Variants in ERCC3 observed in about 807,000 individuals in gnomAD.
ERCC3 encodes the protein general transcription and DNA repair factor IIH helicase/translocase subunit XPB.
Under a neutral mutation model 94.2 loss-of-function variants are expected in ERCC3, and 66 were observed. The observed-to-expected ratio is 0.70, with a 90% CI of 0.57 to 0.86. ERCC3 has a LOEUF of 0.86. Among genes scored for constraint, ERCC3 ranks in the 40% least tolerant of loss-of-function variants. The pLI is 0.00. For synonymous variants in ERCC3, 349 were observed against 369.1 expected (o/e 0.95, Z 0.63); for missense variants, 829 against 987.1 (o/e 0.84, Z 2.15).
intron 2 of ERCC3, 90 bp downstream of exon 2, chr2:127,293,423 C>T (rs1685346108): frequency 4.1e-6 from 5 of 1,205,474 alleles, no homozygotes; most frequent in Non-Finnish European, 6.0e-6. Context: ...GGGCAGTATC[C>T]TGAATGTCAG....
Position 127,290,213 on chromosome 2 carries a change from G to C in ERCC3, c.521+11C>G. The C allele has an allele frequency of 5.0e-6, 8 of 1,612,020 alleles. No homozygotes were observed. The highest frequency in any genetic ancestry group is 5.9e-6 in the Non-Finnish European group (7 of 1,178,048). ...AGTGCCTTGGGACAGGCCTGTCATG[G>C]AATCTCTTACCTGTTGTGCTTCAAG... On this transcript the variant is annotated intron_variant, in intron 4 of 14. Transcript: ENST00000285398.
intron 10 of ERCC3, among the ~76,000 whole-genome samples, chr2:127,273,371 G>C (rs1684627334): frequency 6.6e-6 from 1 of 152,172 alleles, no homozygotes; most frequent in Non-Finnish European, 1.5e-5. Flanking sequence ...CATGCTCCAA[G>C]AGATGAGCAG....
Position 127,280,423 on chromosome 2 carries a change from C to A in ERCC3, c.1527+24G>T. On this transcript the variant is annotated intron_variant, in intron 9 of 14. Transcript: ENST00000285398. This position sits in a 1 kb window ranked among gnomAD's most constrained non-coding sequence, Gnocchi z 6.3. ...CCATAGGAGGAGGCCCTTTCCCAGA[C>A]GCCCCCAGCCCAGGCCCAGCTACCT... The A allele has an allele frequency of 6.3e-7, 1 of 1,599,772 alleles. No individual in the cohort carries two copies. Among genetic ancestry groups the A allele is most frequent in the Non-Finnish European group, 8.5e-7 (1 of 1,172,772 alleles).
intron 3 of ERCC3, chr2:127,292,362 G>A: frequency 3.4e-6 from 2 of 581,638 alleles, no homozygotes; most frequent in Non-Finnish European, 6.3e-6. Flanking sequence ...AGCGGCTCAT[G>A]AGAAGCGTGG....
chr2:127,284,765 C>T lies in ERCC3; in HGVS notation c.1342+1938G>A, dbSNP rs1573954897. The stretch of plus-strand genomic sequence containing the variant: ...GTTGCACAATCATGGTTCACTGCAG[C>T]CTCAACCTCCCAGGTTCAAGTGATC... On this transcript the variant is annotated intron_variant, in intron 8 of 14. Coordinates refer to ENST00000285398, the MANE Select transcript of ERCC3 (RefSeq NM_000122.2). The surrounding 1 kb of genome is among the most constrained non-coding windows in gnomAD (Gnocchi z 4.1). Among the ~76,000 whole-genome samples the T allele has an allele frequency of 6.6e-6, 1 of 152,044 alleles. No individual in the cohort carries two copies. The highest frequency in any genetic ancestry group is 2.1e-4 in the South Asian group (1 of 4,828).
chr2:127,276,925 A>G lies in ERCC3; in HGVS notation c.1730+2248T>C, dbSNP rs10209650. ...CCAAACTGCTGCACTGGAAGCTCCA[A>G]TGTTAGTTCTAGGACCTGGCCAAAC... is the stretch of plus-strand genomic sequence containing the variant. On this transcript the variant is annotated intron_variant, in intron 10 of 14. Transcript: ENST00000285398. Among the ~76,000 whole-genome samples, 865 of 152,328 alleles carry G rather than the reference A, an allele frequency of 5.7e-3. 11 individuals carry two copies. The highest frequency in any genetic ancestry group is 0.019 in the African/African-American group (807 of 41,574).
Position 127,286,799 on chromosome 2 carries a change from T to C in ERCC3, c.1246A>G (p.Thr416Ala), listed in dbSNP as rs757589281. 12 of 1,614,170 alleles carry C rather than the reference T, an allele frequency of 7.4e-6. No homozygotes were observed. The highest frequency in any genetic ancestry group is 4.4e-5 in the South Asian group (4 of 91,086). ...AISTYSMLGH[T>A]TKRSWEAERV... ...TCGGCCTCCCAGGACCTTTTGGTGG[T>C]GTGGCCCAGCATGGAGTAGGTGCTA... Residue 416 changes from threonine (T) to alanine (A), a missense_variant, in exon 8 of 15, where the codon ACC becomes GCC. Physicochemically the swap from Thr to Ala is moderately conservative, Grantham distance 58. Transcript: ENST00000285398.
rs768478601 is a variant in ERCC3 at position 127,286,811 on chromosome 2, T to C, written c.1234A>G (p.Met412Val). The C allele has an allele frequency of 1.2e-6, 2 of 1,614,164 alleles. No homozygotes were observed. The highest frequency in any genetic ancestry group is 1.7e-6 in the Non-Finnish European group (2 of 1,180,014). The part of the protein sequence containing the change: ...GCSVAISTYS[M>V]LGHTTKRSWE... ...GACCTTTTGGTGGTGTGGCCCAGCATGGAGTAGGTGCTAATGGCAACGGAG... is the reference window on the plus strand; with the variant it reads ...GACCTTTTGGTGGTGTGGCCCAGCACGGAGTAGGTGCTAATGGCAACGGAG... The change falls in exon 8 of 15, where the codon ATG (methionine) becomes GTG (valine). Residue 412 changes from methionine (M) to valine (V), a missense_variant. Physicochemically the swap from Met to Val is conservative, Grantham distance 21. Coordinates refer to ENST00000285398, the MANE Select transcript of ERCC3 (RefSeq NM_000122.2).
chr2:127,265,442 G>A (rs771642014), intron 12 of ERCC3, among the ~76,000 whole-genome samples: 32 of 151,456 alleles, frequency 2.1e-4, no homozygotes, highest in Non-Finnish European at 4.0e-4. Context: ...TTTTTGAGAC[G>A]GAGTCTCGCT....
At chr2:127,286,611 G>C (rs1279790903) in intron 8 of ERCC3, 92 bp downstream of exon 8, 17 of 1,204,086 alleles carry the variant, frequency 1.4e-5, no homozygotes, top group Admixed American at 3.4e-5. Flanking sequence ...TAGCCAGTTG[G>C]GTGGGCTACA....
Position 127,258,657 on chromosome 2 carries a change from C to T in ERCC3, c.2217+639G>A, listed in dbSNP as rs1459180932. ...GCTCTAATGGCAACTGAATTTCAAA[C>T]GCACCTGACTGAAGTGCACTTCTCC... On this transcript the variant is annotated intron_variant, in intron 14 of 14. Coordinates refer to ENST00000285398, the MANE Select transcript of ERCC3 (RefSeq NM_000122.2). This position sits in a 1 kb window ranked among gnomAD's most constrained non-coding sequence, Gnocchi z 4.1. 2.0e-5 allele frequency among the ~76,000 whole-genome samples: 3 copies of T among 152,174 alleles called. No individual in the cohort carries two copies. Among genetic ancestry groups the T allele is most frequent in the Non-Finnish European group, 2.9e-5 (2 of 68,026 alleles).
rs2104729189 is a variant in ERCC3, at chr2:127,259,463, C to T, written c.2065-15G>A. The T allele has an allele frequency of 6.2e-7, 1 of 1,614,060 alleles. No homozygotes were observed. The highest frequency in any genetic ancestry group is 8.5e-7 in the Non-Finnish European group (1 of 1,180,022). On this transcript the variant is annotated splice_polypyrimidine_tract_variant and intron_variant, in intron 13 of 14. Coordinates refer to ENST00000285398, the MANE Select transcript of ERCC3 (RefSeq NM_000122.2). This position sits in a 1 kb window ranked among gnomAD's most constrained non-coding sequence, Gnocchi z 4.9. ...TTCGTGATCACCTGCAAAGCCCAAG[C>T]CAGCAGACATGCCCCTTTCTGCTCT...
chr2:127,273,410 T>C (rs922086614), intron 10 of ERCC3, among the ~76,000 whole-genome samples: 7 of 152,178 alleles, frequency 4.6e-5, no homozygotes, highest in African/African-American at 1.4e-4. Flanking sequence ...TCAGCCATTA[T>C]TGTGCTGATT....
At chr2:127,278,412 TTAAA>T (rs1364408066) in intron 10 of ERCC3, among the ~76,000 whole-genome samples, 1 of 152,212 alleles carries the variant, frequency 6.6e-6, no homozygotes, top group Non-Finnish European at 1.5e-5. Context: ...TCTTTCTAAA[TTAAA>T]TAAAGGTATA....
chr2:127,279,031 A>C lies in ERCC3; in HGVS notation c.1730+142T>G. 1.5e-6 allele frequency: 1 copy of C among 688,526 alleles called. No homozygotes were observed. The highest frequency in any genetic ancestry group is 1.6e-5 in the South Asian group (1 of 62,200). The allele number at this position is 688,526 out of a possible 1,614,324, so 42.7% of individuals were successfully genotyped here. The stretch of plus-strand genomic sequence containing the variant: ...TACTTCAGGTCTTCCCTGGTTTCTG[A>C]GACCAGGGCCACAGAACAAGATCTT... On this transcript the variant is annotated intron_variant, in intron 10 of 14. Transcript: ENST00000285398. The surrounding 1 kb of genome is among the most constrained non-coding windows in gnomAD (Gnocchi z 4.7).
In ERCC3 at chr2:127,290,404, C is replaced by T. The variant is rs976051466; in HGVS notation, c.472-131G>A. 13 of 786,332 alleles carry T rather than the reference C, an allele frequency of 1.7e-5. No homozygotes were observed. In the Admixed American group the frequency reaches 2.5e-4, roughly 15 times the overall value. The allele number at this position is 786,332 out of a possible 1,614,324, so 48.7% of individuals were successfully genotyped here. On this transcript the variant is annotated intron_variant, in intron 3 of 14. Coordinates refer to ENST00000285398, the MANE Select transcript of ERCC3 (RefSeq NM_000122.2). ...CTTTAGGGAAACCCAACTTGCAATC[C>T]TAAAGTGGTCAGATGTGCCTAAACT...
chr2:127,289,138 G>GA lies in ERCC3; in HGVS notation c.822+198dup, dbSNP rs556725856. Among the ~76,000 whole-genome samples, 217 of 152,288 alleles carry GA rather than the reference G, an allele frequency of 1.4e-3. 1 individual carries two copies. The highest frequency in any genetic ancestry group is 4.0e-3 in the Admixed American group (61 of 15,296). ...CCTGTGAAGACCAGCCTACCAGCCT[G>GA]AAAAAGAGGACACTGGGACTTTAAC... On this transcript the variant is annotated intron_variant, in intron 6 of 14. Coordinates refer to ENST00000285398, the MANE Select transcript of ERCC3 (RefSeq NM_000122.2).
In ERCC3 at chr2:127,292,632, T is replaced by C. The variant is rs1343838938; in HGVS notation, c.449A>G (p.Asp150Gly). 3.1e-6 allele frequency: 5 copies of C among 1,613,206 alleles called. No individual in the cohort carries two copies. In the South Asian group the frequency reaches 4.4e-5, roughly 14 times the overall value. ...TGCCTTAATAAACTGCATAATTCCATCAGGGACTCCAGTCTTGCTGAGCTT... is the reference window on the plus strand; with the variant it reads ...TGCCTTAATAAACTGCATAATTCCACCAGGGACTCCAGTCTTGCTGAGCTT... The part of the protein sequence containing the change: ...LRKLSKTGVP[D>G]GIMQFIKLCT... Residue 150 changes from aspartate (D) to glycine (G), a missense_variant, in exon 3 of 15, where the codon GAT (aspartate) becomes GGT (glycine). Coordinates refer to ENST00000285398, the MANE Select transcript of ERCC3 (RefSeq NM_000122.2).
chr2:127,259,415 C>T lies in ERCC3; in HGVS notation c.2098G>A (p.Asp700Asn), dbSNP rs780088602. 4 of 1,612,344 alleles carry T rather than the reference C, an allele frequency of 2.5e-6. No individual in the cohort carries two copies. In the African/African-American group the frequency reaches 5.3e-5, roughly 22 times the overall value. The stretch of plus-strand genomic sequence containing the variant: ...TCTTCTTTTGTCGAAAACGCCAAGT[C>T]TTCCTCCTCCATGCCAGCGAGTTTC... ...ITKLAGMEEE[D>N]LAFSTKEEQQ... Residue 700 changes from aspartate to asparagine, a missense_variant, in exon 14 of 15, where the codon GAC becomes AAC. Transcript: ENST00000285398. This position sits in a 1 kb window ranked among gnomAD's most constrained non-coding sequence, Gnocchi z 4.9.
Sources: allele counts gnomAD v4.1 joint callset (sites outside exome capture counted in the v4.1 genomes callset), GRCh38; gene constraint gnomAD v4.1.1; non-coding constraint Gnocchi (gnomAD v3.1); transcripts MANE v1.5; gene names NCBI Gene and HGNC (gene_info 2026-07-23, HGNC 2026-07-21).